NR2F1-AS1: variants seen among roughly 807,000 people sequenced by gnomAD.
NR2F1-AS1 encodes NR2F1 regulatory antisense RNA 1.
intron 4 of NR2F1-AS1, among the ~76,000 whole-genome samples, chr5:93,426,730 A>G (rs1332281075): frequency 2.0e-5 from 3 of 152,306 alleles, no homozygotes; most frequent in African/African-American, 7.2e-5. Flanking sequence ...AGCCCTTTTT[A>G]TTGCCATCTG....
At chr5:93,451,762 C>T (rs1318652138) in intron 4 of NR2F1-AS1, among the ~76,000 whole-genome samples, 2 of 152,126 alleles carry the variant, frequency 1.3e-5, no homozygotes, top group Non-Finnish European at 2.9e-5. Context: ...CATTTCATCT[C>T]TCCTTTTTTC....
At chr5:93,485,236 C>CA (rs1290699319) in intron 4 of NR2F1-AS1, among the ~76,000 whole-genome samples, 9 of 151,938 alleles carry the variant, frequency 5.9e-5, no homozygotes, top group Admixed American at 3.3e-4. Flanking sequence ...ACAGCAAATG[C>CA]AAAAAAGTAG....
intron 4 of NR2F1-AS1, among the ~76,000 whole-genome samples, chr5:93,440,197 C>CTG (rs1295332755): frequency 6.8e-6 from 1 of 146,914 alleles, no homozygotes; most frequent in Non-Finnish European, 1.5e-5. Context: ...CTCTCTGTCT[C>CTG]TCTCTCTCTC....
chr5:93,521,378 TAA>T (rs1751498304), intron 4 of NR2F1-AS1, among the ~76,000 whole-genome samples: 1 of 151,996 alleles, frequency 6.6e-6, no homozygotes, highest in South Asian at 2.1e-4. Context: ...TAGGTATACT[TAA>T]GAGCTTCTGC....
chr5:93,533,094 G>GA (rs1374350876), intron 4 of NR2F1-AS1, among the ~76,000 whole-genome samples: 1 of 152,118 alleles, frequency 6.6e-6, no homozygotes, highest in African/African-American at 2.4e-5. Flanking sequence ...GCTTTTACCT[G>GA]AAAAAATTAC....
chr5:93,480,815 T>C (rs899493209), intron 4 of NR2F1-AS1, among the ~76,000 whole-genome samples: 17 of 152,064 alleles, frequency 1.1e-4, no homozygotes, highest in African/African-American at 4.1e-4. Flanking sequence ...TTGCTATAAA[T>C]TTAGAATATT....
chr5:93,451,339 A>T (rs1161360625), intron 4 of NR2F1-AS1, among the ~76,000 whole-genome samples: 3 of 148,858 alleles, frequency 2.0e-5, no homozygotes, highest in African/African-American at 7.5e-5. Context: ...AAAAAAAAAA[A>T]GCTGGCAACT....
At chr5:93,482,059 A>G (rs1750611468) in intron 4 of NR2F1-AS1, among the ~76,000 whole-genome samples, 1 of 152,166 alleles carries the variant, frequency 6.6e-6, no homozygotes, top group Non-Finnish European at 1.5e-5. Flanking sequence ...TAGAGAAAAG[A>G]TAAAACAGAA....
At chr5:93,545,993 T>C (rs1166973326) in intron 4 of NR2F1-AS1, among the ~76,000 whole-genome samples, 1 of 152,164 alleles carries the variant, frequency 6.6e-6, no homozygotes, top group Non-Finnish European at 1.5e-5. Context: ...CTGAGTGGGA[T>C]AGGAAAAAAT....
At chr5:93,505,260 A>C (rs553764955) in intron 4 of NR2F1-AS1, among the ~76,000 whole-genome samples, 39 of 152,274 alleles carry the variant, frequency 2.6e-4, no homozygotes, top group Non-Finnish European at 5.3e-4. Flanking sequence ...GGGCAGCTCC[A>C]TCCCTGTGGC....
chr5:93,571,673 A>G (rs145923160), intron 1 of NR2F1-AS1, among the ~76,000 whole-genome samples: 288 of 152,120 alleles, frequency 1.9e-3, no homozygotes, highest in African/African-American at 6.5e-3. Context: ...AACACCTGCT[A>G]TCTCTCAATG....
chr5:93,421,549 C>G (rs1749088131), intron 4 of NR2F1-AS1, among the ~76,000 whole-genome samples: 1 of 152,194 alleles, frequency 6.6e-6, no homozygotes, highest in Non-Finnish European at 1.5e-5. Context: ...ATGTGTGCTA[C>G]AGCCCCTACT....
intron 4 of NR2F1-AS1, among the ~76,000 whole-genome samples, chr5:93,528,117 T>C (rs1317332564): frequency 6.6e-6 from 1 of 152,124 alleles, no homozygotes; most frequent in Non-Finnish European, 1.5e-5. Flanking sequence ...AAAGGGCTAA[T>C]ATCCAGAATC....
At chr5:93,485,203 C>A (rs1360153159) in intron 4 of NR2F1-AS1, among the ~76,000 whole-genome samples, 1 of 152,124 alleles carries the variant, frequency 6.6e-6, no homozygotes, top group African/African-American at 2.4e-5. Flanking sequence ...AAATTGACCA[C>A]ATAATTGGAA....
chr5:93,578,733 A>C (rs1427672057), intron 1 of NR2F1-AS1, among the ~76,000 whole-genome samples: 1 of 152,230 alleles, frequency 6.6e-6, no homozygotes, highest in Non-Finnish European at 1.5e-5. Context: ...CGTGGACACT[A>C]CAACTGCGTT....
intron 2 of NR2F1-AS1, among the ~76,000 whole-genome samples, chr5:93,561,351 T>G (rs1459727613): frequency 6.6e-6 from 1 of 152,250 alleles, no homozygotes; most frequent in Non-Finnish European, 1.5e-5. Flanking sequence ...TAACTATTCT[T>G]AGCATCTTTT....
chr5:93,441,671 G>A (rs1289004397), intron 4 of NR2F1-AS1, among the ~76,000 whole-genome samples: 4 of 152,212 alleles, frequency 2.6e-5, no homozygotes, highest in African/African-American at 9.6e-5. Context: ...GTAAGAATAA[G>A]TATAACATCA....
At chr5:93,459,371 T>C (rs1031757944) in intron 4 of NR2F1-AS1, among the ~76,000 whole-genome samples, 1 of 152,108 alleles carries the variant, frequency 6.6e-6, no homozygotes, top group African/African-American at 2.4e-5. Flanking sequence ...AAAACTACAA[T>C]GAGATATAAC....
At chr5:93,444,555 C>G (rs1749650761) in intron 4 of NR2F1-AS1, among the ~76,000 whole-genome samples, 1 of 152,070 alleles carries the variant, frequency 6.6e-6, no homozygotes, top group African/African-American at 2.4e-5. Flanking sequence ...TAAAGTAAGT[C>G]CTTAGAGACC....
Sources: gnomAD v4.1 joint callset for allele counts (sites outside exome capture counted in the v4.1 genomes callset) on GRCh38, gnomAD v4.1.1 for gene constraint, MANE v1.5 for transcripts, NCBI Gene and HGNC (gene_info 2026-07-23, HGNC 2026-07-21) for gene names.